The following IQCM variants were observed in gnomAD, a reference collection of about 807,000 sequenced individuals.
IQCM encodes the protein IQ motif containing M.
Under a neutral mutation model 57.6 loss-of-function variants are expected in IQCM, and 45 were observed. The observed-to-expected ratio is 0.78, with a 90% confidence interval of 0.62 to 1.00. IQCM has a LOEUF of 1.00. IQCM is among the 50% of genes least tolerant of loss of function. IQCM has a pLI of 0.00. For synonymous variants in IQCM, 148 were observed against 158.9 expected, an observed-to-expected ratio of 0.93 and a Z score of 0.51; for missense variants, 468 against 511.6, an observed-to-expected ratio of 0.91 and a Z score of 0.82.
At chr4:149,675,074 T>A (rs918494348) in intron 7 of IQCM, among the ~76,000 whole-genome samples, 2 of 152,006 alleles carry the variant, frequency 1.3e-5, no homozygotes, top group South Asian at 2.1e-4. Context: ...TGTATTATGA[T>A]GGAGGGCAAA....
intron 7 of IQCM, among the ~76,000 whole-genome samples, chr4:149,641,833 A>G (rs1280327000): frequency 1.3e-5 from 2 of 152,172 alleles, no homozygotes; most frequent in Non-Finnish European, 2.9e-5. Flanking sequence ...TTTAAAACAT[A>G]TGCCAGAGAA....
intron 12 of IQCM, among the ~76,000 whole-genome samples, chr4:149,535,199 A>G (rs2149862340): frequency 6.6e-6 from 1 of 152,154 alleles, no homozygotes. Flanking sequence ...AATTTATAGG[A>G]CTCTGCATCA....
chr4:149,612,422 G>T (rs1755378903), intron 8 of IQCM, among the ~76,000 whole-genome samples: 1 of 152,024 alleles, frequency 6.6e-6, no homozygotes, highest in Non-Finnish European at 1.5e-5. Flanking sequence ...ATATTTCTGA[G>T]GTCTTTTTTG....
chr4:149,465,203 G>A (rs1381153022), intron 12 of IQCM, among the ~76,000 whole-genome samples: 1 of 152,078 alleles, frequency 6.6e-6, no homozygotes, highest in Non-Finnish European at 1.5e-5. Context: ...TTTCTATGAA[G>A]AGCAAAGTAG....
At chr4:149,609,851 C>A (rs1755122891) in intron 8 of IQCM, among the ~76,000 whole-genome samples, 2 of 151,942 alleles carry the variant, frequency 1.3e-5, no homozygotes, top group Non-Finnish European at 2.9e-5. Context: ...ACTTTCACCA[C>A]TTTTATTCAA....
At chr4:149,487,396 G>C (rs1318461151) in intron 12 of IQCM, among the ~76,000 whole-genome samples, 1 of 152,124 alleles carries the variant, frequency 6.6e-6, no homozygotes, top group Non-Finnish European at 1.5e-5. Flanking sequence ...CCTGGGATTG[G>C]GGGAGAGATG....
chr4:149,523,230 A>C (rs933467716), intron 12 of IQCM, among the ~76,000 whole-genome samples: 1 of 152,166 alleles, frequency 6.6e-6, no homozygotes, highest in African/African-American at 2.4e-5. Context: ...TTACCTCCCA[A>C]AGGCCCATCT....
chr4:149,476,486 T>C (rs533813492), intron 12 of IQCM, among the ~76,000 whole-genome samples: 162 of 152,290 alleles, frequency 1.1e-3, no homozygotes, highest in Non-Finnish European at 1.6e-3. Flanking sequence ...TGACAAGTTG[T>C]AAGACTGGGA....
rs140877747 is a variant in IQCM at position 149,799,352 on chromosome 4, A to C, written c.-49+15959T>G. Among the ~76,000 whole-genome samples, 985 of 151,914 alleles carry C rather than the reference A, an allele frequency of 6.5e-3. 5 individuals are homozygous for C. Among genetic ancestry groups the C allele is most frequent in the Non-Finnish European group, 0.011 (730 of 67,816 alleles). On this transcript the variant is annotated intron_variant, in intron 2 of 13. Transcript: ENST00000636793. The stretch of plus-strand genomic sequence containing the variant: ...ATGGGATACAGCAGAAAAGTACTAA[A>C]AGGAAAGTTTATAGCTATATGTGCC...
intron 12 of IQCM, among the ~76,000 whole-genome samples, chr4:149,488,976 T>C (rs1489873090): frequency 6.6e-6 from 1 of 152,142 alleles, no homozygotes; most frequent in Non-Finnish European, 1.5e-5. Context: ...TTACTAAAAC[T>C]ATAGATCAAC....
At chr4:149,586,003 C>G (rs549273972) in intron 9 of IQCM, among the ~76,000 whole-genome samples, 13 of 151,730 alleles carry the variant, frequency 8.6e-5, no homozygotes, top group African/African-American at 2.9e-4. Flanking sequence ...GGCTGGCTGG[C>G]TCCAGGGAAA....
At chr4:149,734,479 T>C (rs1766747625) in intron 4 of IQCM, among the ~76,000 whole-genome samples, 1 of 152,168 alleles carries the variant, frequency 6.6e-6, no homozygotes, top group East Asian at 1.9e-4. Context: ...TAAAAGTATG[T>C]ATGGCCAGTC....
rs576785382 is a variant in IQCM, at chr4:149,661,817, AT to A, written c.565+20300del. ...TGTAATGTCTCCTTTTTTATTTCAA[AT>A]TTTATTTAGTTGAGTCTTCTCTGTC... On this transcript the variant is annotated intron_variant, in intron 7 of 13. Coordinates refer to ENST00000636793, the MANE Select transcript of IQCM (RefSeq NM_001363507.2). Among the ~76,000 whole-genome samples the A allele has an allele frequency of 1.5e-3, 230 of 151,926 alleles. 2 individuals carry two copies. The highest frequency in any genetic ancestry group is 0.014 in the Middle Eastern group (4 of 294).
At position 149,787,836 on chromosome 4, in the gene IQCM, A is replaced by G. The variant is rs575143309; in HGVS notation, c.-49+27475T>C. 2.6e-4 allele frequency among the ~76,000 whole-genome samples: 40 copies of G among 152,302 alleles called. No individual in the cohort carries two copies. In the South Asian group the frequency reaches 7.5e-3, roughly 28 times the overall value. On this transcript the variant is annotated intron_variant, in intron 2 of 13. Transcript: ENST00000636793. Reference sequence around the variant, plus strand: ...ACAAAATAAAAAGTAGACAAATGGGACTATATTAAAGTAAAAAGCTTCTGC... The same window carrying G: ...ACAAAATAAAAAGTAGACAAATGGGGCTATATTAAAGTAAAAAGCTTCTGC...
chr4:149,381,857 C>G (rs912822841), intron 13 of IQCM, among the ~76,000 whole-genome samples: 1 of 152,114 alleles, frequency 6.6e-6, no homozygotes. Flanking sequence ...TCACTGCAAC[C>G]TCCACATCCC....
chr4:149,463,265 G>T (rs540492785), intron 12 of IQCM, among the ~76,000 whole-genome samples: 2 of 152,300 alleles, frequency 1.3e-5, no homozygotes, highest in Non-Finnish European at 2.9e-5. Flanking sequence ...CAAGAAGAGT[G>T]CAGCTTACTG....
At chr4:149,636,238 AG>A (rs374340609) in intron 7 of IQCM, among the ~76,000 whole-genome samples, 40 of 152,368 alleles carry the variant, frequency 2.6e-4, no homozygotes, top group African/African-American at 9.1e-4. Flanking sequence ...CAGACCAAAG[AG>A]GAAGAGATGG....
At chr4:149,580,769 C>G (rs1752106771) in intron 9 of IQCM, among the ~76,000 whole-genome samples, 1 of 151,378 alleles carries the variant, frequency 6.6e-6, no homozygotes, top group African/African-American at 2.4e-5. Context: ...GTGAAGATGC[C>G]CAGGAAGCAG....
At chr4:149,416,550 C>A (rs2111197220) in intron 13 of IQCM, among the ~76,000 whole-genome samples, 1 of 152,118 alleles carries the variant, frequency 6.6e-6, no homozygotes, top group Admixed American at 6.6e-5. Context: ...CCTTATTAGT[C>A]AATGCTGTCT....
Sources: gnomAD v4.1 joint callset for allele counts (sites outside exome capture counted in the v4.1 genomes callset) on GRCh38, gnomAD v4.1.1 for gene constraint, MANE v1.5 for transcripts, NCBI Gene and HGNC (gene_info 2026-07-23, HGNC 2026-07-21) for gene names.